Variants in COG5 observed in about 807,000 individuals in gnomAD.
The protein encoded by COG5 is conserved oligomeric Golgi complex subunit 5.
COG5 carries 86 observed loss-of-function variants against 110.4 expected under a neutral mutation model. The ratio of observed to expected loss-of-function variants is 0.78; its 90% confidence interval spans 0.65 to 0.93. The LOEUF (loss-of-function observed/expected upper bound fraction) is 0.93, where lower values mean the gene tolerates loss of function less well. COG5 is among the 40% of genes least tolerant of loss of function. The pLI, the probability that COG5 is intolerant of heterozygous loss-of-function variation, is 0.00. For missense variants in COG5, 1,077 were observed against 987.0 expected, an observed-to-expected ratio of 1.09 and a Z score of -1.22; for synonymous variants, 360 against 334.6, an observed-to-expected ratio of 1.08 and a Z score of -0.83.
intron 11 of COG5, among the ~76,000 whole-genome samples, chr7:107,311,673 G>T (rs139073344): frequency 3.3e-5 from 5 of 151,822 alleles, no homozygotes; most frequent in Non-Finnish European, 7.4e-5. Context: ...GATTACAGGC[G>T]TGAGCCACCG....
At chr7:107,374,309 T>C (rs569468378) in intron 7 of COG5, among the ~76,000 whole-genome samples, 2 of 152,224 alleles carry the variant, frequency 1.3e-5, no homozygotes, top group African/African-American at 4.8e-5. Flanking sequence ...AAATTTCCCA[T>C]GTCATTATTT....
chr7:107,301,030 C>T, intron 11 of COG5, among the ~76,000 whole-genome samples: 1 of 152,050 alleles, frequency 6.6e-6, no homozygotes, highest in East Asian at 1.9e-4. Flanking sequence ...GACAAAGGTG[C>T]AAACACAATT....
At chr7:107,404,759 G>A (rs1039410008) in intron 7 of COG5, among the ~76,000 whole-genome samples, 2 of 151,976 alleles carry the variant, frequency 1.3e-5, no homozygotes, top group East Asian at 1.9e-4. Flanking sequence ...CTAGAGCAGA[G>A]GTGGTGTGAG....
At chr7:107,514,031 T>G (rs896313550) in intron 6 of COG5, among the ~76,000 whole-genome samples, 3 of 151,546 alleles carry the variant, frequency 2.0e-5, no homozygotes, top group African/African-American at 7.3e-5. Context: ...ACATGTACCC[T>G]AAAACTTAAA....
At chr7:107,332,123 C>T (rs1488030061) in intron 10 of COG5, among the ~76,000 whole-genome samples, 1 of 152,162 alleles carries the variant, frequency 6.6e-6, no homozygotes, top group African/African-American at 2.4e-5. Context: ...ACTGGGATTA[C>T]AGGCATGAGC....
rs184372815 is a variant in COG5, at chr7:107,479,619, A to G, written c.538+47618T>C. Reference sequence around the variant, plus strand: ...AAAAATGATGACCATAAGGAAGACCATAAGAAACAGATTACCCGCAATACT... The same window carrying G: ...AAAAATGATGACCATAAGGAAGACCGTAAGAAACAGATTACCCGCAATACT... On this transcript the variant is annotated intron_variant, in intron 6 of 21. Coordinates refer to ENST00000297135, the MANE Select transcript of COG5 (RefSeq NM_006348.5). Among the ~76,000 whole-genome samples, 34 of 152,288 alleles carry G rather than the reference A, an allele frequency of 2.2e-4. No homozygotes were observed. In the East Asian group the frequency reaches 6.4e-3, roughly 29 times the overall value.
At chr7:107,381,763 G>A (rs1409744190) in intron 7 of COG5, among the ~76,000 whole-genome samples, 1 of 152,150 alleles carries the variant, frequency 6.6e-6, no homozygotes, top group Non-Finnish European at 1.5e-5. Flanking sequence ...AACTCAGAAA[G>A]CTGAAGCAAA....
intron 21 of COG5, among the ~76,000 whole-genome samples, chr7:107,207,335 G>C (rs1244974683): frequency 2.0e-5 from 3 of 152,168 alleles, no homozygotes; most frequent in African/African-American, 7.2e-5. Context: ...CAGAAGTACA[G>C]AGGAGCTGAG....
At chr7:107,246,721 A>T (rs1009016514) in intron 17 of COG5, among the ~76,000 whole-genome samples, 11 of 152,152 alleles carry the variant, frequency 7.2e-5, no homozygotes, top group African/African-American at 2.7e-4. Flanking sequence ...ACAAAAAAAT[A>T]AGATGCTGGT....
rs965764019 is a variant in COG5, at chr7:107,496,208, T to G, written c.538+31029A>C. 1.2e-4 allele frequency among the ~76,000 whole-genome samples: 19 copies of G among 152,088 alleles called. 1 individual carries two copies. Among genetic ancestry groups the G allele is most frequent in the Admixed American group, 5.9e-4 (9 of 15,252 alleles). ...TGCCTGACATCAAAGTCAAAGACACTACAAGAAAACAACAGCCCAACATCC... is the reference window on the plus strand; with the variant it reads ...TGCCTGACATCAAAGTCAAAGACACGACAAGAAAACAACAGCCCAACATCC... On this transcript the variant is annotated intron_variant, in intron 6 of 21. Coordinates refer to ENST00000297135, the MANE Select transcript of COG5 (RefSeq NM_006348.5).
intron 19 of COG5, among the ~76,000 whole-genome samples, chr7:107,228,721 T>C (rs923723674): frequency 6.6e-6 from 1 of 151,562 alleles, no homozygotes; most frequent in Non-Finnish European, 1.5e-5. Flanking sequence ...TCTGTACAGA[T>C]GGGCAGTGAT....
At chr7:107,399,466 T>G (rs1563011091) in intron 7 of COG5, among the ~76,000 whole-genome samples, 2 of 151,960 alleles carry the variant, frequency 1.3e-5, no homozygotes, top group Non-Finnish European at 2.9e-5. Flanking sequence ...TTCACCAGAC[T>G]TGATGGTTTT....
chr7:107,540,461 C>G (rs1055865962), intron 5 of COG5, among the ~76,000 whole-genome samples: 73 of 151,572 alleles, frequency 4.8e-4, no homozygotes, highest in Non-Finnish European at 7.5e-4. Context: ...GCCTTTAGTC[C>G]CAGCTACTTG....
chr7:107,326,365 A>G (rs1809767880), intron 10 of COG5, among the ~76,000 whole-genome samples: 1 of 152,198 alleles, frequency 6.6e-6, no homozygotes, highest in East Asian at 1.9e-4. Context: ...AAGTAAAATT[A>G]TATCTGTTTC....
rs1027099126 is a variant in COG5 at position 107,447,258 on chromosome 7, A to G, written c.539-34626T>C. Among the ~76,000 whole-genome samples the G allele has an allele frequency of 1.1e-4, 17 of 152,036 alleles. 1 individual carries two copies. On this transcript the variant is annotated intron_variant, in intron 6 of 21. Coordinates refer to ENST00000297135, the MANE Select transcript of COG5 (RefSeq NM_006348.5). The stretch of plus-strand genomic sequence containing the variant: ...TCACCTCTCTGACTCATCTCTTCCA[A>G]CATCAGCTGGGAAAAGTTCTCCACT...
chr7:107,394,128 A>AT (rs1287566544), intron 7 of COG5, among the ~76,000 whole-genome samples: 3 of 151,524 alleles, frequency 2.0e-5, no homozygotes, highest in East Asian at 2.0e-4. Context: ...CGCCCAGCTA[A>AT]TTTTTTTTGT....
At chr7:107,488,800 T>C (rs904256598) in intron 6 of COG5, among the ~76,000 whole-genome samples, 8 of 151,968 alleles carry the variant, frequency 5.3e-5, no homozygotes, top group Non-Finnish European at 1.0e-4. Flanking sequence ...TGAGCCAAGA[T>C]TGCACCACTG....
chr7:107,493,001 A>T, intron 6 of COG5, among the ~76,000 whole-genome samples: 1 of 152,112 alleles, frequency 6.6e-6, no homozygotes, highest in East Asian at 1.9e-4. Context: ...TTAATCCCCA[A>T]TGTAATAGTG....
chr7:107,455,057 A>T (rs1795575595), intron 6 of COG5, among the ~76,000 whole-genome samples: 1 of 152,190 alleles, frequency 6.6e-6, no homozygotes. Flanking sequence ...CAGTTTAAAG[A>T]CCATTATTTT....
Sources: gnomAD v4.1 joint callset for allele counts (sites outside exome capture counted in the v4.1 genomes callset) on GRCh38, gnomAD v4.1.1 for gene constraint, MANE v1.5 for transcripts, NCBI Gene and HGNC (gene_info 2026-07-23, HGNC 2026-07-21) for gene names.